Variants in NEK11 observed in about 807,000 individuals in gnomAD.
The protein encoded by NEK11 is NIMA related kinase 11.
Under a neutral mutation model 80.7 loss-of-function variants are expected in NEK11, and 72 were observed. That is an observed-to-expected ratio of 0.89 (90% confidence interval 0.74 to 1.08). NEK11 has a LOEUF of 1.08. Ranked by LOEUF, NEK11 falls within the 50% of genes least tolerant of loss-of-function variation. NEK11 has a pLI of 0.00. For missense variants in NEK11, 764 were observed against 763.6 expected (o/e 1.00, Z -0.01); for synonymous variants, 251 against 260.7 (o/e 0.96, Z 0.36).
chr3:131,146,341 A>C (rs1178744369), intron 7 of NEK11, among the ~76,000 whole-genome samples: 1 of 152,162 alleles, frequency 6.6e-6, no homozygotes, highest in Non-Finnish European at 1.5e-5. Flanking sequence ...GAAATTTTAA[A>C]AAGTATTGGA....
At chr3:131,141,837 G>C (rs561071222) in intron 7 of NEK11, among the ~76,000 whole-genome samples, 1 of 152,076 alleles carries the variant, frequency 6.6e-6, no homozygotes, top group Non-Finnish European at 1.5e-5. Context: ...ACTGAAGGGC[G>C]GGCAGGGGTC....
intron 3 of NEK11, among the ~76,000 whole-genome samples, chr3:131,049,401 T>C (rs576301640): frequency 1.3e-5 from 2 of 152,350 alleles, no homozygotes; most frequent in South Asian, 4.1e-4. Flanking sequence ...CCTAGTGGTA[T>C]GGAGTTTAAG....
chr3:131,202,073 T>C (rs2094254428), intron 14 of NEK11, among the ~76,000 whole-genome samples: 1 of 152,080 alleles, frequency 6.6e-6, no homozygotes, highest in African/African-American at 2.4e-5. Context: ...GACCTCATGA[T>C]CCACCCACCT....
chr3:131,180,431 A>G (rs901506835), intron 14 of NEK11, among the ~76,000 whole-genome samples: 4 of 152,226 alleles, frequency 2.6e-5, no homozygotes, highest in African/African-American at 9.6e-5. Flanking sequence ...ACAAAATAAT[A>G]TATTGACTTG....
intron 17 of NEK11, among the ~76,000 whole-genome samples, chr3:131,336,319 C>G (rs2110212338): frequency 6.6e-6 from 1 of 152,286 alleles, no homozygotes; most frequent in South Asian, 2.1e-4. Flanking sequence ...CGCCGCATTT[C>G]TACAACTATC....
intron 17 of NEK11, among the ~76,000 whole-genome samples, chr3:131,280,595 A>G (rs1033227903): frequency 2.0e-5 from 3 of 152,110 alleles, no homozygotes; most frequent in African/African-American, 7.2e-5. Context: ...CATCTCTAGA[A>G]GTTTGGTTTG....
At chr3:131,034,889 TC>T (rs1346311696) in intron 3 of NEK11, among the ~76,000 whole-genome samples, 1 of 152,206 alleles carries the variant, frequency 6.6e-6, no homozygotes, top group Non-Finnish European at 1.5e-5. Flanking sequence ...CTACTCCCTT[TC>T]CAACTCAATA....
chr3:131,350,445 A>G lies in NEK11; in HGVS notation c.*669A>G, dbSNP rs1311476577. ...AGTTTTCACAGTTACAAAATAAATCACCTATTTTATCTTTTCCTTATGTAA... is the reference window on the plus strand; with the variant it reads ...AGTTTTCACAGTTACAAAATAAATCGCCTATTTTATCTTTTCCTTATGTAA... On this transcript the variant is annotated 3_prime_UTR_variant, in exon 18 of 18. Coordinates refer to ENST00000383366, the MANE Select transcript of NEK11 (RefSeq NM_024800.5). 1 of 152,254 alleles carries G rather than the reference A, an allele frequency of 6.6e-6. No homozygotes were observed. Among genetic ancestry groups the G allele is most frequent in the Non-Finnish European group, 1.5e-5 (1 of 68,082 alleles). The allele number at this position is 152,254 out of a possible 1,614,324, so 9.4% of individuals were successfully genotyped here.
At chr3:131,113,493 T>C (rs1430403608) in intron 5 of NEK11, among the ~76,000 whole-genome samples, 1 of 152,198 alleles carries the variant, frequency 6.6e-6, no homozygotes, top group Non-Finnish European at 1.5e-5. Context: ...CCAGAAAAGC[T>C]GTGCAGAATG....
At chr3:131,308,332 C>T (rs1392746458) in intron 17 of NEK11, among the ~76,000 whole-genome samples, 2 of 152,162 alleles carry the variant, frequency 1.3e-5, no homozygotes, top group Non-Finnish European at 2.9e-5. Flanking sequence ...TCAAGAAAGT[C>T]TTAATACAAT....
At chr3:131,212,672 A>T (rs1400555978) in intron 14 of NEK11, among the ~76,000 whole-genome samples, 1 of 152,204 alleles carries the variant, frequency 6.6e-6, no homozygotes, top group Non-Finnish European at 1.5e-5. Context: ...GTTTCTTAGT[A>T]CTAGAAGAGG....
chr3:131,105,124 A>G, intron 4 of NEK11, among the ~76,000 whole-genome samples: 1 of 152,254 alleles, frequency 6.6e-6, no homozygotes, highest in Non-Finnish European at 1.5e-5. Flanking sequence ...CTAGTCAGTC[A>G]TCTTGGCAAG....
intron 5 of NEK11, among the ~76,000 whole-genome samples, chr3:131,126,959 C>CTTTTTTTTTTTT (rs71133688): frequency 4.3e-4 from 39 of 90,090 alleles, no homozygotes; most frequent in East Asian, 1.3e-3. Flanking sequence ...TTCTTTCTTT[C>CTTTTTTTTTTTT]TTTTTTTTTT....
chr3:131,201,326 G>C (rs2094217166), intron 14 of NEK11, among the ~76,000 whole-genome samples: 1 of 151,818 alleles, frequency 6.6e-6, no homozygotes, highest in African/African-American at 2.4e-5. Flanking sequence ...AAGGGATGTG[G>C]AATATCGGAA....
chr3:131,226,160 G>A (rs1475217515), intron 14 of NEK11, among the ~76,000 whole-genome samples: 1 of 152,174 alleles, frequency 6.6e-6, no homozygotes, highest in Non-Finnish European at 1.5e-5. Flanking sequence ...GGAGAGTTGA[G>A]GGTGGGCAAG....
chr3:131,177,766 GTTATA>G (rs1265751683), intron 14 of NEK11, among the ~76,000 whole-genome samples: 2 of 152,152 alleles, frequency 1.3e-5, no homozygotes, highest in East Asian at 1.9e-4. Flanking sequence ...ATAGTAAGTA[GTTATA>G]TTATAAAAAT....
chr3:131,130,920 G>C (rs960907324), intron 5 of NEK11, among the ~76,000 whole-genome samples: 31 of 152,168 alleles, frequency 2.0e-4, no homozygotes, highest in Non-Finnish European at 3.5e-4. Flanking sequence ...TCCTGCCACA[G>C]CCTCACAAGT....
chr3:131,129,010 T>C (rs1014800814), intron 5 of NEK11, among the ~76,000 whole-genome samples: 11 of 152,138 alleles, frequency 7.2e-5, no homozygotes, highest in Non-Finnish European at 1.6e-4. Context: ...TATTTTCTTA[T>C]TGTTGAGTTT....
chr3:131,203,791 A>AAAGTTT (rs1560950081), intron 14 of NEK11, among the ~76,000 whole-genome samples: 2 of 8,116 alleles, frequency 2.5e-4, no homozygotes, highest in African/African-American at 7.1e-4. Flanking sequence ...ATATATATAT[A>AAAGTTT]TATATATATA....
Sources: allele counts gnomAD v4.1 joint callset (sites outside exome capture counted in the v4.1 genomes callset), GRCh38; gene constraint gnomAD v4.1.1; transcripts MANE v1.5; gene names NCBI Gene and HGNC (gene_info 2026-07-23, HGNC 2026-07-21).